The following CLUH variants were observed in gnomAD, a reference collection of about 807,000 sequenced individuals.
CLUH encodes CLUH binding protein of NUMT mRNA.
In CLUH, 77 loss-of-function variants were observed where a neutral mutation model predicts 139.3. The observed-to-expected ratio is 0.55, with a 90% confidence interval of 0.46 to 0.67. The LOEUF (loss-of-function observed/expected upper bound fraction) is 0.67, where lower values mean the gene tolerates loss of function less well. Ranked by LOEUF, CLUH falls within the 30% of genes least tolerant of loss-of-function variation. CLUH has a pLI of 0.00. For missense variants in CLUH, 1,876 were observed against 1,875.8 expected (o/e 1.00, Z 0.00); for synonymous variants, 999 against 801.6 (o/e 1.25, Z -4.16).
chr17:2,708,704 CGCTCCCACCGACCT>C (rs1472241045), intron 1 of CLUH, among the ~76,000 whole-genome samples: 1 of 152,140 alleles, frequency 6.6e-6, no homozygotes, highest in East Asian at 1.9e-4. Context: ...GCTACCCACC[CGCTCCCACCGACCT>C]GCTCCCGCCG....
rs754127529 is a variant in CLUH, at chr17:2,698,075, G to A, written c.1782C>T (p.Gly594=). The change falls in exon 10 of 26, where the codon GGC becomes GGT. Residue 594 remains glycine, a synonymous_variant. Transcript: ENST00000651024. Reference sequence around the variant, plus strand: ...CGAGGATGTAGTGGCGCCCGTCGTTGCCAATGATGCCCTTGCACTCGACCG... The same window carrying A: ...CGAGGATGTAGTGGCGCCCGTCGTTACCAATGATGCCCTTGCACTCGACCG... The part of the protein sequence containing the change: ...CSSVECKGII[G]NDGRHYILDL... The A allele has an allele frequency of 3.7e-6, 6 of 1,606,188 alleles. No individual in the cohort carries two copies. The highest frequency in any genetic ancestry group is 1.3e-5 in the African/African-American group (1 of 74,872).
chr17:2,695,042 G>A lies in CLUH; in HGVS notation c.2667C>T (p.Ser889=). 2 of 1,613,460 alleles carry A rather than the reference G, an allele frequency of 1.2e-6. No homozygotes were observed. The highest frequency in any genetic ancestry group is 4.5e-5 in the East Asian group (2 of 44,866). Residue 889 remains serine, a synonymous_variant, in exon 16 of 26, where the codon AGC becomes AGT. Coordinates refer to ENST00000651024, the MANE Select transcript of CLUH (RefSeq NM_001366661.1). ...AISHFLNCFL[S]SYPNPVAHLP... is the part of the protein sequence containing the mutation. ...GGTGGGCCACGGGGTTTGGGTAGGA[G>A]CTCAGGAAGCAGTTCAGGAAGTGGC...
rs370144407 is a variant in CLUH, at chr17:2,704,558, G to A, written c.107C>T (p.Pro36Leu). The change falls in exon 2 of 26, where the codon CCA (proline) becomes CTA (leucine). Residue 36 changes from proline to leucine, a missense_variant. This residue lies in a region of CLUH where 152 missense variants were observed against 136.7 expected (regional missense o/e 1.11). Coordinates refer to ENST00000651024, the MANE Select transcript of CLUH (RefSeq NM_001366661.1). The surrounding 1 kb of genome is among the most constrained non-coding windows in gnomAD (Gnocchi z 5.7). The stretch of plus-strand genomic sequence containing the variant: ...GTCCCCGTTTAAGAGCATGACTGAT[G>A]GCAGCTCTGCGGGTGACAAGAACGG... Reference protein sequence around the residue: ...GKGRPGAAELPSVMLLNGDCP... With the variant: ...GKGRPGAAELLSVMLLNGDCP... 263 of 1,558,790 alleles carry A rather than the reference G, an allele frequency of 1.7e-4. No individual in the cohort carries two copies. In the African/African-American group the frequency reaches 3.2e-3, roughly 19 times the overall value.
chr17:2,692,912 A>G, intron 19 of CLUH, 52 bp from the exon 20 acceptor site: 1 of 1,506,216 alleles, frequency 6.6e-7, no homozygotes, highest in Non-Finnish European at 8.9e-7. Context: ...CACTGCACCC[A>G]GAGCCCGCCT....
At position 2,696,152 on chromosome 17, in the gene CLUH, C is replaced by T. The variant is rs1317645892; in HGVS notation, c.2391+7G>A. The T allele has an allele frequency of 1.9e-6, 3 of 1,552,798 alleles. No individual in the cohort carries two copies. The highest frequency in any genetic ancestry group is 2.4e-5 in the East Asian group (1 of 41,288). ...AGCCCCACCCAGCCCCGCAGCCCCT[C>T]CCTCACCAAGCCAGGGATCTGGCAG... On this transcript the variant is annotated splice_region_variant and intron_variant, in intron 13 of 25. Transcript: ENST00000651024.
At chr17:2,694,409 T>TG in intron 17 of CLUH, 71 bp downstream of exon 17, 1 of 1,527,918 alleles carries the variant, frequency 6.5e-7, no homozygotes, top group Non-Finnish European at 8.9e-7. Flanking sequence ...TGGCCAGGAG[T>TG]GGGAGCCTGC....
Position 2,704,623 on chromosome 17 carries a change from G to A in CLUH, c.101-59C>T, listed in dbSNP as rs893548141. On this transcript the variant is annotated intron_variant, in intron 1 of 25. Coordinates refer to ENST00000651024, the MANE Select transcript of CLUH (RefSeq NM_001366661.1). The surrounding 1 kb of genome is among the most constrained non-coding windows in gnomAD (Gnocchi z 5.7). Reference sequence around the variant, plus strand: ...GCCTCGCTGGTCGGCGGGGCTGTCCGCCTGACCCCACACGGGGACACGTGC... The same window carrying A: ...GCCTCGCTGGTCGGCGGGGCTGTCCACCTGACCCCACACGGGGACACGTGC... 22 of 1,456,540 alleles carry A rather than the reference G, an allele frequency of 1.5e-5. No homozygotes were observed. Among genetic ancestry groups the A allele is most frequent in the Admixed American group, 2.1e-5 (1 of 47,434 alleles). 90.2% of individuals were successfully genotyped at this position (1,456,540 alleles called of 1,614,324 possible). A position where few individuals can be genotyped will look rare whatever the true frequency, so the allele number is the denominator to read the frequency against.
At chr17:2,709,919 A>T (rs1364636701) in intron 1 of CLUH, among the ~76,000 whole-genome samples, 1 of 152,170 alleles carries the variant, frequency 6.6e-6, no homozygotes, top group Admixed American at 6.5e-5. Context: ...CCCAAAACAA[A>T]TAGCTGTGCC....
chr17:2,703,221 G>A lies in CLUH; in HGVS notation c.475+97C>T, dbSNP rs1397023936. On this transcript the variant is annotated intron_variant, in intron 3 of 25. Coordinates refer to ENST00000651024, the MANE Select transcript of CLUH (RefSeq NM_001366661.1). This position sits in a 1 kb window ranked among gnomAD's most constrained non-coding sequence, Gnocchi z 4.2. ...CTGTGCTCCAATCCTGCCTCCATGA[G>A]CTCATCCGTGACACAGGGACCCTGG... The A allele has an allele frequency of 1.6e-6, 2 of 1,281,074 alleles. No individual in the cohort carries two copies. The highest frequency in any genetic ancestry group is 1.1e-6 in the Non-Finnish European group (1 of 928,426). The allele number at this position is 1,281,074 out of a possible 1,614,324, so 79.4% of individuals were successfully genotyped here.
chr17:2,700,542 T>C (rs2070141474), intron 8 of CLUH, 68 bp from the exon 9 acceptor site: 2 of 1,560,264 alleles, frequency 1.3e-6, no homozygotes, highest in Non-Finnish European at 1.7e-6. Flanking sequence ...CGGAAGTCGC[T>C]CCTTCTACCT....
intron 25 of CLUH, 146 bp from the exon 26 acceptor site, chr17:2,690,923 G>A: frequency 1.7e-6 from 1 of 594,090 alleles, no homozygotes; most frequent in Non-Finnish European, 2.5e-6. Flanking sequence ...TCCTGAAGGC[G>A]GAAGGTCCCT....
chr17:2,695,345 C>A (rs1003399), intron 14 of CLUH, 29 bp downstream of exon 14: 24 of 1,613,162 alleles, frequency 1.5e-5, no homozygotes, highest in African/African-American at 4.0e-5. Context: ...CCACAGCTCC[C>A]GTTCCGCCCC....
chr17:2,700,901 C>A, intron 7 of CLUH, 76 bp from the exon 8 acceptor site: 3 of 1,479,672 alleles, frequency 2.0e-6, no homozygotes, highest in South Asian at 1.4e-5. Flanking sequence ...TTTTCTGAGG[C>A]CCCCGCCTGC....
intron 3 of CLUH, 123 bp from the exon 4 acceptor site, chr17:2,702,180 G>T: frequency 8.2e-7 from 1 of 1,217,698 alleles, no homozygotes; most frequent in Non-Finnish European, 1.1e-6. Context: ...TTAGGTTTCC[G>T]TTTTCAAATT....
chr17:2,701,967 A>T lies in CLUH; in HGVS notation c.566T>A (p.Val189Asp). 6.2e-7 allele frequency: 1 copy of T among 1,613,750 alleles called. No individual in the cohort carries two copies. Among genetic ancestry groups the T allele is most frequent in the Non-Finnish European group, 8.5e-7 (1 of 1,179,848 alleles). ...SLDPSDAFNGVDCNSLSFLSV... is the reference protein window; with the variant it reads ...SLDPSDAFNGDDCNSLSFLSV... The stretch of plus-strand genomic sequence containing the variant: ...CAGGAAGGACAAGGAGTTGCAGTCA[A>T]CCCCGTTGAAGGCATCGGATGGGTC... Residue 189 changes from valine (V) to aspartate (D), a missense_variant, in exon 4 of 26, where the codon GTT (valine) becomes GAT (aspartate). Physicochemically the swap from Val to Asp is radical, Grantham distance 152. Transcript: ENST00000651024.
At chr17:2,708,069 C>T (rs982521564) in intron 1 of CLUH, 175 of 934,674 alleles carry the variant, frequency 1.9e-4, no homozygotes, top group East Asian at 3.5e-4. Context: ...AGTGGCCGCA[C>T]GGCGGGGGAG....
rs1555529431 is a variant in CLUH, at chr17:2,691,951, G to GCCCCGCC, written c.3654+46_3654+52dup. 6.0e-5 allele frequency: 66 copies of GCCCCGCC among 1,098,818 alleles called. No homozygotes were observed. In the African/African-American group the frequency reaches 9.4e-4, roughly 16 times the overall value. The allele number at this position is 1,098,818 out of a possible 1,614,324, so 68.1% of individuals were successfully genotyped here. A position where few individuals can be genotyped will look rare whatever the true frequency, so the allele number is the denominator to read the frequency against. Reference sequence around the variant, plus strand: ...CCCGTGCCCCCGCGGCCCCGCCCCCGCCCCGCCACGCCCCCGCCCCGCCCC... The same window carrying GCCCCGCC: ...CCCGTGCCCCCGCGGCCCCGCCCCCGCCCCGCCCCCCGCCACGCCCCCGCCCCGCCCC... On this transcript the variant is annotated intron_variant, in intron 23 of 25. Transcript: ENST00000651024.
At chr17:2,709,939 C>T (rs919451869) in intron 1 of CLUH, among the ~76,000 whole-genome samples, 1 of 152,138 alleles carries the variant, frequency 6.6e-6, no homozygotes, top group African/African-American at 2.4e-5. Context: ...CCTTCCCTGA[C>T]TCAGTTTACC....
rs765150202 is a variant in CLUH, at chr17:2,698,361, G to A, written c.1496C>T (p.Ala499Val). The change falls in exon 10 of 26, where the codon GCG becomes GTG. Residue 499 changes from alanine (A) to valine (V), a missense_variant. Around this residue, in one of 3 missense-constraint regions of CLUH, gnomAD observed 1,454 missense variants for 1,384.4 expected, o/e 1.05. Coordinates refer to ENST00000651024, the MANE Select transcript of CLUH (RefSeq NM_001366661.1). The part of the protein sequence containing the change: ...NDLNGVRTYN[A>V]VDVEGLYTLG... ...CGTGTACAGCCCCTCCACGTCCACC[G>A]CGTTGTACGTGCGGACGCCATTCAG... 1.4e-5 allele frequency: 22 copies of A among 1,613,200 alleles called. No homozygotes were observed. The highest frequency in any genetic ancestry group is 1.6e-4 in the Middle Eastern group (1 of 6,062).
Sources: allele counts gnomAD v4.1 joint callset (sites outside exome capture counted in the v4.1 genomes callset), GRCh38; gene constraint gnomAD v4.1.1; regional missense constraint gnomAD v4.1.1; non-coding constraint Gnocchi (gnomAD v3.1); transcripts MANE v1.5; gene names NCBI Gene and HGNC (gene_info 2026-07-23, HGNC 2026-07-21).